SPAG16: variants seen among roughly 807,000 people sequenced by gnomAD.
SPAG16 encodes the protein sperm-associated antigen 16 protein.
In SPAG16, 86 loss-of-function variants were observed where a neutral mutation model predicts 80.4. That is an observed-to-expected ratio of 1.07 (90% CI 0.90 to 1.28). The LOEUF is 1.28. Ranked by LOEUF, SPAG16 falls within the 50% of genes most tolerant of loss-of-function variation. SPAG16 has a pLI of 0.00. For missense variants in SPAG16, 870 were observed against 765.3 expected, an observed-to-expected ratio of 1.14 and a Z score of -1.61; for synonymous variants, 294 against 265.9, an observed-to-expected ratio of 1.11 and a Z score of -1.03.
intron 12 of SPAG16, among the ~76,000 whole-genome samples, chr2:213,960,976 C>T (rs998571329): frequency 6.6e-6 from 1 of 152,276 alleles, no homozygotes; most frequent in East Asian, 1.9e-4. Context: ...CCCACTCTGG[C>T]TCCCATAAGC....
At chr2:214,193,395 ATGTGTGTGTGTGTG>A (rs60839638) in intron 15 of SPAG16, among the ~76,000 whole-genome samples, 4 of 124,468 alleles carry the variant, frequency 3.2e-5, no homozygotes, top group African/African-American at 1.1e-4. Flanking sequence ...GAGATCTTTT[ATGTGTGTGTGTGTG>A]TGTGTGTGTG....
chr2:213,516,259 G>T (rs2075418519), intron 10 of SPAG16, among the ~76,000 whole-genome samples: 1 of 152,068 alleles, frequency 6.6e-6, no homozygotes. Flanking sequence ...TTACTTCTTT[G>T]TGTGTATTTA....
At chr2:213,403,581 C>G (rs1261625894) in intron 9 of SPAG16, among the ~76,000 whole-genome samples, 1 of 152,096 alleles carries the variant, frequency 6.6e-6, no homozygotes, top group African/African-American at 2.4e-5. Context: ...CTATCTATGA[C>G]AAACCCACAG....
chr2:213,291,673 C>T (rs1346967635), intron 1 of SPAG16, among the ~76,000 whole-genome samples: 3 of 152,136 alleles, frequency 2.0e-5, no homozygotes, highest in African/African-American at 7.2e-5. Context: ...GAGTTCATTA[C>T]CTAGGATATT....
At chr2:214,296,502 T>G (rs768202672) in intron 15 of SPAG16, among the ~76,000 whole-genome samples, 1 of 152,172 alleles carries the variant, frequency 6.6e-6, no homozygotes, top group Non-Finnish European at 1.5e-5. Flanking sequence ...TAATTTACAC[T>G]CCCATAGTGT....
intron 15 of SPAG16, among the ~76,000 whole-genome samples, chr2:214,377,774 A>G (rs1338980512): frequency 6.6e-6 from 1 of 152,198 alleles, no homozygotes; most frequent in East Asian, 1.9e-4. Context: ...GTAGCAGACC[A>G]CAAAGATCTC....
At chr2:213,862,427 A>G in intron 10 of SPAG16, 58 bp from the exon 11 acceptor site, 1 of 1,582,986 alleles carries the variant, frequency 6.3e-7, no homozygotes, top group Non-Finnish European at 8.7e-7. Flanking sequence ...ATTTATTCAT[A>G]TTCTGAAAAC....
chr2:213,460,652 A>G (rs1559154873), intron 9 of SPAG16, among the ~76,000 whole-genome samples: 1 of 152,216 alleles, frequency 6.6e-6, no homozygotes, highest in Non-Finnish European at 1.5e-5. Flanking sequence ...TAAATTTGAT[A>G]TACATGTGCA....
Position 214,387,697 on chromosome 2 carries a change from A to C in SPAG16, c.1721-22443A>C, listed in dbSNP as rs562450597. ...GGGAGGCCTCAGGAAACTTACAATCATGGTAGAAGGGGAAGCAAACACATC... is the reference window on the plus strand; with the variant it reads ...GGGAGGCCTCAGGAAACTTACAATCCTGGTAGAAGGGGAAGCAAACACATC... On this transcript the variant is annotated intron_variant, in intron 15 of 15. Transcript: ENST00000331683. Among the ~76,000 whole-genome samples, 68 of 152,336 alleles carry C rather than the reference A, an allele frequency of 4.5e-4. No individual in the cohort carries two copies. In the South Asian group the frequency reaches 0.014, roughly 31 times the overall value.
At chr2:213,638,127 G>A (rs578084359) in intron 10 of SPAG16, among the ~76,000 whole-genome samples, 3 of 152,196 alleles carry the variant, frequency 2.0e-5, no homozygotes, top group East Asian at 1.9e-4. Context: ...TCTTTGGATC[G>A]TCTATCTTCC....
At chr2:214,270,627 A>G (rs1214991393) in intron 15 of SPAG16, among the ~76,000 whole-genome samples, 1 of 151,708 alleles carries the variant, frequency 6.6e-6, no homozygotes, top group Non-Finnish European at 1.5e-5. Context: ...TTAGCTTTCT[A>G]CTCCTAGAAT....
chr2:214,003,150 C>T (rs185659325), intron 12 of SPAG16, among the ~76,000 whole-genome samples: 7 of 152,248 alleles, frequency 4.6e-5, no homozygotes, highest in Middle Eastern at 3.4e-3. Flanking sequence ...TGAACCAGTA[C>T]GAGTCAACTG....
chr2:213,367,478 A>G (rs988799097), intron 8 of SPAG16, among the ~76,000 whole-genome samples: 8 of 152,402 alleles, frequency 5.2e-5, no homozygotes, highest in African/African-American at 1.7e-4. Flanking sequence ...AATGATCGCC[A>G]TTCTAACTGG....
intron 12 of SPAG16, among the ~76,000 whole-genome samples, chr2:213,949,168 A>AG (rs2079597471): frequency 2.7e-5 from 2 of 75,196 alleles, no homozygotes; most frequent in Non-Finnish European, 5.8e-5. Flanking sequence ...TAATTACAAC[A>AG]GTTTTTTTTT....
At chr2:213,994,916 C>G (rs1358559603) in intron 12 of SPAG16, among the ~76,000 whole-genome samples, 1 of 152,092 alleles carries the variant, frequency 6.6e-6, no homozygotes, top group East Asian at 1.9e-4. Context: ...TTATTTGCAT[C>G]TTTTCTTATG....
chr2:214,180,753 T>A (rs1444643379), intron 15 of SPAG16, among the ~76,000 whole-genome samples: 1 of 151,752 alleles, frequency 6.6e-6, no homozygotes, highest in East Asian at 1.9e-4. Context: ...CAGTATGGGC[T>A]CTGATAGTGG....
intron 13 of SPAG16, among the ~76,000 whole-genome samples, chr2:214,057,407 ATAT>A (rs1440222558): frequency 6.6e-6 from 1 of 152,110 alleles, no homozygotes; most frequent in Non-Finnish European, 1.5e-5. Flanking sequence ...ATGAACAGTA[ATAT>A]TATTAATCTT....
intron 5 of SPAG16, among the ~76,000 whole-genome samples, chr2:213,335,893 G>C (rs1408981465): frequency 6.6e-6 from 1 of 151,968 alleles, no homozygotes; most frequent in Non-Finnish European, 1.5e-5. Flanking sequence ...AAGAAACTTA[G>C]GGGGTGAGAG....
In SPAG16 at chr2:213,731,145, A is replaced by G. The variant is rs866307050; in HGVS notation, c.1071-131340A>G. 7.4e-5 allele frequency among the ~76,000 whole-genome samples: 10 copies of G among 134,780 alleles called. No homozygotes were observed. In the South Asian group the frequency reaches 1.2e-3, roughly 16 times the overall value. 88.4% of individuals were successfully genotyped at this position (134,780 alleles called of 152,430 possible). Reference sequence around the variant, plus strand: ...GTCTGATAATTCCAACATCTACATTATATCTGAGTTTTTTTTTTTTTTTTT... The same window carrying G: ...GTCTGATAATTCCAACATCTACATTGTATCTGAGTTTTTTTTTTTTTTTTT... On this transcript the variant is annotated intron_variant, in intron 10 of 15. Transcript: ENST00000331683.
Sources: allele counts gnomAD v4.1 joint callset (sites outside exome capture counted in the v4.1 genomes callset), GRCh38; gene constraint gnomAD v4.1.1; transcripts MANE v1.5; gene names NCBI Gene and HGNC (gene_info 2026-07-23, HGNC 2026-07-21).